Variants in EFEMP2 observed in about 807,000 individuals in gnomAD.
EFEMP2 encodes EGF-like fibulin extracellular matrix protein 2, also known as EGF-containing fibulin-like extracellular matrix protein 2.
A neutral mutation model predicts 55.3 loss-of-function variants in EFEMP2; 21 were observed. That is an observed-to-expected ratio of 0.38 (90% CI 0.27 to 0.55). The LOEUF is 0.55. EFEMP2 is among the 20% of genes least tolerant of loss of function. EFEMP2 has a pLI of 0.77. For synonymous variants in EFEMP2, 275 were observed against 242.3 expected (o/e 1.14, Z -1.25); for missense variants, 513 against 615.1 (o/e 0.83, Z 1.76).
chr11:65,871,887 T>TG, intron 3 of EFEMP2, 83 bp downstream of exon 3: 1 of 1,514,666 alleles, frequency 6.6e-7, no homozygotes, highest in South Asian at 1.2e-5. Context: ...CGGCAGTTCT[T>TG]GGAGGTGGGG....
chr11:65,868,273 G>A (rs747815940), intron 9 of EFEMP2, 22 bp downstream of exon 9: 2 of 1,613,120 alleles, frequency 1.2e-6, no homozygotes, highest in African/African-American at 1.3e-5. Context: ...TTCTGTGGGG[G>A]CCTGGCATCG....
chr11:65,868,716 C>T (rs1379954423), intron 7 of EFEMP2, 87 bp from the exon 8 acceptor site: 23 of 1,563,334 alleles, frequency 1.5e-5, no homozygotes, highest in Non-Finnish European at 1.8e-5. Flanking sequence ...GGCCCAGCCC[C>T]ATGTTAGACT....
At position 65,866,625 on chromosome 11, in the gene EFEMP2, C is replaced by T. The variant is rs1012387005; in HGVS notation, c.*293G>A. ...AAATCTCTGGGCCGGGGCCTGGAGT[C>T]CGCCCTCCTCGTTACCTCCTCTCCT... is the stretch of plus-strand genomic sequence containing the variant. On this transcript the variant is annotated 3_prime_UTR_variant, in exon 11 of 11. Transcript: ENST00000307998. 4.3e-6 allele frequency: 3 copies of T among 703,162 alleles called. No homozygotes were observed. Among genetic ancestry groups the T allele is most frequent in the Non-Finnish European group, 7.8e-6 (3 of 385,228 alleles). 43.6% of individuals were successfully genotyped at this position (703,162 alleles called of 1,614,324 possible). A position where few individuals can be genotyped will look rare whatever the true frequency, so the allele number is the denominator to read the frequency against.
At chr11:65,869,772 A>G (rs1377608838) in intron 7 of EFEMP2, 85 bp downstream of exon 7, 3 of 1,596,050 alleles carry the variant, frequency 1.9e-6, no homozygotes, top group African/African-American at 2.7e-5. Context: ...GGAGGCCTCA[A>G]ATGGAGAACT....
chr11:65,870,566 C>T lies in EFEMP2; in HGVS notation c.460G>A (p.Gly154Ser), dbSNP rs377199919. 1.7e-5 allele frequency: 28 copies of T among 1,613,952 alleles called. No homozygotes were observed. Among genetic ancestry groups the T allele is most frequent in the Non-Finnish European group, 2.4e-5 (28 of 1,179,998 alleles). Residue 154 changes from glycine to serine, a missense_variant, in exon 5 of 11, where the codon GGT becomes AGT. Transcript: ENST00000307998. The part of the protein sequence containing the change: ...PGSYQCTCPD[G>S]YRKIGPECVD... ...CACTCGGGCCCGATCTTGCGGTAAC[C>T]ATCAGGGCAGGTGCACTGATAGGAG... is the stretch of plus-strand genomic sequence containing the variant.
chr11:65,868,817 TCA>T, intron 7 of EFEMP2, 188 bp from the exon 8 acceptor site: 2 of 697,890 alleles, frequency 2.9e-6, no homozygotes, highest in Non-Finnish European at 2.4e-6. Context: ...CTGCCGCAGC[TCA>T]CAGACTTCTC....
At chr11:65,870,792 C>G (rs1859952511) in intron 4 of EFEMP2, 134 bp from the exon 5 acceptor site, 1 of 1,308,434 alleles carries the variant, frequency 7.6e-7, no homozygotes, top group Non-Finnish European at 1.1e-6. Flanking sequence ...TCAGGAAAGG[C>G]ACCCCTAACC....
Position 65,867,934 on chromosome 11 carries a change from G to A in EFEMP2, c.1097C>T (p.Thr366Ile), listed in dbSNP as rs752162714. The A allele has an allele frequency of 1.9e-6, 3 of 1,614,158 alleles. No homozygotes were observed. The South Asian group carries it at 3.3e-5, about 18-fold the overall frequency. ...ATTGTAGGCACCGGGGTAGACGGAG[G>A]TCGCCTGGATCTGGAACACGTCAGC... Reference protein sequence around the residue: ...VPADVFQIQATSVYPGAYNAF... With the variant: ...VPADVFQIQAISVYPGAYNAF... The change falls in exon 10 of 11, where the codon ACC (threonine) becomes ATC (isoleucine). Residue 366 changes from threonine to isoleucine, a missense_variant. Physicochemically the swap from Thr to Ile is moderately conservative, Grantham distance 89. Transcript: ENST00000307998.
rs746751497 is a variant in EFEMP2 at position 65,867,960 on chromosome 11, G to C, written c.1071C>G (p.Pro357=). The change falls in exon 10 of 11, where the codon CCC becomes CCG. Residue 357 remains proline (P), a synonymous_variant. Transcript: ENST00000307998. ...TCGCCTGGATCTGGAACACGTCAGC[G>C]GGCACGCTCCGCTCCGAGGTGATGG... ...YMTITSERSV[P]ADVFQIQATS... The C allele has an allele frequency of 6.2e-7, 1 of 1,614,116 alleles. No individual in the cohort carries two copies. Among genetic ancestry groups the C allele is most frequent in the Non-Finnish European group, 8.5e-7 (1 of 1,180,036 alleles).
At chr11:65,870,296 C>A in intron 5 of EFEMP2, 59 bp from the exon 6 acceptor site, 1 of 1,557,260 alleles carries the variant, frequency 6.4e-7, no homozygotes, top group South Asian at 1.1e-5. Flanking sequence ...CAGGTGGGCT[C>A]GAGCCGGCTG....
intron 4 of EFEMP2, 69 bp from the exon 5 acceptor site, chr11:65,870,727 C>T: frequency 3.1e-6 from 5 of 1,609,310 alleles, no homozygotes; most frequent in South Asian, 1.1e-5. Flanking sequence ...ATAGTTCCAA[C>T]ACTTGTATTC....
chr11:65,872,147 C>A, intron 2 of EFEMP2, 97 bp downstream of exon 2: 1 of 1,495,270 alleles, frequency 6.7e-7, no homozygotes, highest in Non-Finnish European at 9.1e-7. Context: ...CTCCACCAGC[C>A]AGGGGAGGAA....
intron 2 of EFEMP2, 107 bp downstream of exon 2, chr11:65,872,137 C>T: frequency 1.3e-6 from 2 of 1,499,644 alleles, no homozygotes; most frequent in East Asian, 2.5e-5. Context: ...GCCCCCAGCT[C>T]TCCACCAGCC....
In EFEMP2 at chr11:65,868,457, C is replaced by T. The variant is rs533449135; in HGVS notation, c.848-36G>A. The stretch of plus-strand genomic sequence containing the variant: ...GGAGAGGGGCTGGAATCGGGGGCGT[C>T]AGGCTGCCAGCTCCTGACACCGTCC... On this transcript the variant is annotated intron_variant, in intron 8 of 10. Coordinates refer to ENST00000307998, the MANE Select transcript of EFEMP2 (RefSeq NM_016938.5). 3 of 1,613,806 alleles carry T rather than the reference C, an allele frequency of 1.9e-6. No individual in the cohort carries two copies. The South Asian group carries it at 3.3e-5, about 18-fold the overall frequency.
At chr11:65,871,050 G>T in intron 4 of EFEMP2, 107 bp downstream of exon 4, 1 of 1,305,644 alleles carries the variant, frequency 7.7e-7, no homozygotes, top group Non-Finnish European at 1.1e-6. Flanking sequence ...GGATGAGGGT[G>T]TGGACATCAC....
intron 10 of EFEMP2, 78 bp downstream of exon 10, chr11:65,867,783 T>A: frequency 6.5e-7 from 1 of 1,530,158 alleles, no homozygotes; most frequent in Admixed American, 1.7e-5. Flanking sequence ...CATAGCAGCC[T>A]GGCCGAGTTC....
At chr11:65,869,493 T>G (rs1265052319) in intron 7 of EFEMP2, 6 of 350,694 alleles carry the variant, frequency 1.7e-5, no homozygotes. Context: ...TCTATCACAC[T>G]CTCACCTAAT....
chr11:65,870,097 G>A lies in EFEMP2; in HGVS notation c.607+24C>T, dbSNP rs763324462. 9.9e-6 allele frequency: 16 copies of A among 1,613,284 alleles called. No homozygotes were observed. In the East Asian group the frequency reaches 1.1e-4, roughly 11 times the overall value. On this transcript the variant is annotated intron_variant, in intron 6 of 10. Transcript: ENST00000307998. ...TCACACCTCCCTGCCCAGGACCCAG[G>A]AGCCTGGCCCAGCCCAGCCTCACCA...
rs781514127 is a variant in EFEMP2 at position 65,867,078 on chromosome 11, T to A, written c.1172A>T (p.Gln391Leu). The A allele has an allele frequency of 6.2e-7, 1 of 1,614,020 alleles. No homozygotes were observed. The highest frequency in any genetic ancestry group is 8.5e-7 in the Non-Finnish European group (1 of 1,180,010). ...GNSQGDFYIRQINNVSAMLVL... is the reference protein window; with the variant it reads ...GNSQGDFYIRLINNVSAMLVL... Reference sequence around the variant, plus strand: ...CAGCATGGCGCTGACGTTGTTGATTTGCTGCAGGGCAGTGGGTGGGGGGAC... The same window carrying A: ...CAGCATGGCGCTGACGTTGTTGATTAGCTGCAGGGCAGTGGGTGGGGGGAC... Residue 391 changes from glutamine (Q) to leucine (L), a missense_variant and splice_region_variant, in exon 11 of 11, where the codon CAA (glutamine) becomes CTA (leucine). Physicochemically the swap from Gln to Leu is moderately radical, Grantham distance 113. Coordinates refer to ENST00000307998, the MANE Select transcript of EFEMP2 (RefSeq NM_016938.5).
Sources: allele counts gnomAD v4.1 joint callset, GRCh38; gene constraint gnomAD v4.1.1; transcripts MANE v1.5; gene names NCBI Gene and HGNC (gene_info 2026-07-23, HGNC 2026-07-21).